The following VPS13D variants were observed in gnomAD, a reference collection of about 807,000 sequenced individuals.
VPS13D encodes the protein vacuolar protein sorting 13 homolog D, also known as intermembrane lipid transfer protein VPS13D.
VPS13D carries 187 observed loss-of-function variants against 461.9 expected under a neutral mutation model. The observed-to-expected ratio is 0.40, with a 90% confidence interval of 0.36 to 0.46. The LOEUF (loss-of-function observed/expected upper bound fraction) is 0.46, where lower values mean the gene tolerates loss of function less well. Among genes scored for constraint, VPS13D ranks in the 20% least tolerant of loss-of-function variants. The pLI, the probability that VPS13D is intolerant of heterozygous loss-of-function variation, is 0.60. For missense variants in VPS13D, 4,711 were observed against 5,364.9 expected (o/e 0.88, Z 3.81); for synonymous variants, 1,951 against 1,986.3 (o/e 0.98, Z 0.47).
intron 25 of VPS13D, among the ~76,000 whole-genome samples, chr1:12,301,142 A>G (rs968978396): frequency 3.9e-5 from 6 of 152,260 alleles, no homozygotes; most frequent in African/African-American, 1.4e-4. Flanking sequence ...CTTTACATAT[A>G]AAAGGAAACA....
chr1:12,322,816 T>C (rs1201642048), intron 34 of VPS13D, 70 bp downstream of exon 34: 6 of 1,406,654 alleles, frequency 4.3e-6, no homozygotes, highest in Non-Finnish European at 4.9e-6. Context: ...CTTAAAATTT[T>C]CTTTTGCACA....
Position 12,502,760 on chromosome 1 carries a change from A to C in VPS13D, c.12795-4093A>C, listed in dbSNP as rs960676360. Reference sequence around the variant, plus strand: ...GTTTTCCATGTGGCCTTCTAGAGAGACATCTCTCTCCAATCTGCTGATGAG... The same window carrying C: ...GTTTTCCATGTGGCCTTCTAGAGAGCCATCTCTCTCCAATCTGCTGATGAG... On this transcript the variant is annotated intron_variant, in intron 68 of 69. Transcript: ENST00000620676. This position sits in a 1 kb window ranked among gnomAD's most constrained non-coding sequence, Gnocchi z 4.3. 6.6e-6 allele frequency among the ~76,000 whole-genome samples: 1 copy of C among 152,014 alleles called. No homozygotes were observed. Among genetic ancestry groups the C allele is most frequent in the Non-Finnish European group, 1.5e-5 (1 of 68,004 alleles).
intron 65 of VPS13D, among the ~76,000 whole-genome samples, chr1:12,432,168 C>T (rs372465155): frequency 4.6e-5 from 7 of 151,852 alleles, no homozygotes; most frequent in African/African-American, 1.2e-4. Flanking sequence ...CTGAGGCGGG[C>T]GGATAACCTG....
chr1:12,231,799 C>T (rs1333471454), intron 1 of VPS13D, among the ~76,000 whole-genome samples: 10 of 152,094 alleles, frequency 6.6e-5, no homozygotes, highest in Non-Finnish European at 1.2e-4. Flanking sequence ...ACCAGCCTGG[C>T]CAACATGATG....
chr1:12,279,397 A>G lies in VPS13D; in HGVS notation c.4451-102A>G, dbSNP rs1557682481. ...CAGGCTAACCTGCCCTCCTGGTCTA[A>G]GTGTAACTCATGGGCTGTATTTTGT... is the stretch of plus-strand genomic sequence containing the variant. On this transcript the variant is annotated intron_variant, in intron 19 of 69. Coordinates refer to ENST00000620676, the MANE Select transcript of VPS13D (RefSeq NM_015378.4). The surrounding 1 kb of genome is among the most constrained non-coding windows in gnomAD (Gnocchi z 4.3). 1.5e-6 allele frequency: 2 copies of G among 1,333,256 alleles called. No homozygotes were observed. Among genetic ancestry groups the G allele is most frequent in the Non-Finnish European group, 2.0e-6 (2 of 1,005,578 alleles). The allele number at this position is 1,333,256 out of a possible 1,614,324, so 82.6% of individuals were successfully genotyped here.
intron 7 of VPS13D, among the ~76,000 whole-genome samples, chr1:12,256,014 A>G (rs1166154476): frequency 6.6e-6 from 1 of 152,122 alleles, no homozygotes; most frequent in Non-Finnish European, 1.5e-5. Context: ...ATTAGATAAC[A>G]TACCAACATG....
rs554366473 is a variant in VPS13D at position 12,429,707 on chromosome 1, G to A, written c.12333+12880G>A. 7.9e-5 allele frequency among the ~76,000 whole-genome samples: 12 copies of A among 152,278 alleles called. No individual in the cohort carries two copies. In the South Asian group the frequency reaches 1.9e-3, roughly 24 times the overall value. ...GACAGGAAAAGGACATTGACTTTTAGGATCCTATTTCTTCTCCTCCCTTCC... is the reference window on the plus strand; with the variant it reads ...GACAGGAAAAGGACATTGACTTTTAAGATCCTATTTCTTCTCCTCCCTTCC... On this transcript the variant is annotated intron_variant, in intron 65 of 69. Transcript: ENST00000620676.
intron 38 of VPS13D, 102 bp downstream of exon 38, chr1:12,333,468 C>G: frequency 7.1e-7 from 1 of 1,416,472 alleles, no homozygotes; most frequent in Non-Finnish European, 9.6e-7. Context: ...GGGCCTGTAC[C>G]AGGCATCACT....
At chr1:12,294,088 T>G (rs962055046) in intron 24 of VPS13D, among the ~76,000 whole-genome samples, 1 of 152,258 alleles carries the variant, frequency 6.6e-6, no homozygotes, top group Non-Finnish European at 1.5e-5. Flanking sequence ...GGTAGTTTAT[T>G]CATGGCACAT....
chr1:12,411,085 C>A (rs976007961), intron 63 of VPS13D, among the ~76,000 whole-genome samples: 4 of 152,156 alleles, frequency 2.6e-5, no homozygotes, highest in African/African-American at 9.7e-5. Flanking sequence ...TTCACCGTTA[C>A]ACGGGAGTTC....
intron 13 of VPS13D, among the ~76,000 whole-genome samples, 179 bp downstream of exon 13, chr1:12,262,259 A>G (rs1379063817): frequency 1.3e-5 from 2 of 152,238 alleles, no homozygotes; most frequent in Non-Finnish European, 2.9e-5. Context: ...ACCTCTGGTC[A>G]TAACATTCAT....
Position 12,369,647 on chromosome 1 carries a change from C to T in VPS13D, c.10753C>T (p.Arg3585Trp), listed in dbSNP as rs144581204. ...NCNMNDFQDNRQLYYENFIYI... is the reference protein window; with the variant it reads ...NCNMNDFQDNWQLYYENFIYI... Reference sequence around the variant, plus strand: ...CAACATGAATGATTTCCAGGATAATCGGCAGCTTTATTATGAAAATTTCAT... The same window carrying T: ...CAACATGAATGATTTCCAGGATAATTGGCAGCTTTATTATGAAAATTTCAT... Residue 3585 changes from arginine (R) to tryptophan (W), a missense_variant, in exon 54 of 70, where the codon CGG (arginine) becomes TGG (tryptophan). This residue lies in a region of VPS13D where 4,411 missense variants were observed against 4,937.8 expected (regional missense o/e 0.89). Transcript: ENST00000620676. The T allele has an allele frequency of 1.6e-4, 260 of 1,614,062 alleles. No homozygotes were observed. Among genetic ancestry groups the T allele is most frequent in the Non-Finnish European group, 2.1e-4 (252 of 1,180,048 alleles).
intron 60 of VPS13D, among the ~76,000 whole-genome samples, chr1:12,387,625 C>T (rs538616271): frequency 3.2e-4 from 49 of 152,290 alleles, no homozygotes; most frequent in African/African-American, 1.1e-3. Context: ...GACGTTAAAA[C>T]TGTTAATGTA....
intron 29 of VPS13D, among the ~76,000 whole-genome samples, chr1:12,312,408 G>T (rs1642778496): frequency 6.6e-6 from 1 of 152,188 alleles, no homozygotes; most frequent in Non-Finnish European, 1.5e-5. Flanking sequence ...GTAGTTACGG[G>T]GTGGGAGATG....
intron 37 of VPS13D, among the ~76,000 whole-genome samples, chr1:12,332,242 A>T (rs1643350568): frequency 6.6e-6 from 1 of 152,246 alleles, no homozygotes; most frequent in South Asian, 2.1e-4. Context: ...TGAACTACAG[A>T]TGTATATAAG....
At chr1:12,245,044 T>A (rs565916468) in intron 5 of VPS13D, among the ~76,000 whole-genome samples, 46 of 152,358 alleles carry the variant, frequency 3.0e-4, no homozygotes, top group African/African-American at 1.1e-3. Context: ...GCCTGGTCTC[T>A]AGTTGGTTAC....
rs1644799950 is a variant in VPS13D at position 12,416,827 on chromosome 1, G to A, written c.12333G>A (p.Lys4111=). ...VTHGVSNSAA[K]FAGTLSDGLG... is the part of the protein sequence containing the mutation. ...ACGGAGTATCAAACTCTGCTGCCAA[G>A]GTAAGGAAATAGAGGTGAAATTCCA... The change falls in exon 65 of 70, where the codon AAG becomes AAA. Residue 4111 remains lysine, a splice_region_variant and synonymous_variant. Coordinates refer to ENST00000620676, the MANE Select transcript of VPS13D (RefSeq NM_015378.4). 2.5e-6 allele frequency: 4 copies of A among 1,608,848 alleles called. No individual in the cohort carries two copies. Among genetic ancestry groups the A allele is most frequent in the South Asian group, 1.1e-5 (1 of 89,818 alleles).
intron 60 of VPS13D, among the ~76,000 whole-genome samples, chr1:12,392,348 G>A (rs1644437542): frequency 1.3e-5 from 2 of 151,658 alleles, no homozygotes; most frequent in Admixed American, 6.6e-5. Context: ...GGGCAGTGGC[G>A]GGTGCCTGTG....
chr1:12,493,649 A>T (rs1283140453), intron 67 of VPS13D, among the ~76,000 whole-genome samples: 1 of 152,236 alleles, frequency 6.6e-6, no homozygotes, highest in Non-Finnish European at 1.5e-5. Context: ...ACTTGAACGT[A>T]CAGTGTCACA....
Sources: allele counts gnomAD v4.1 joint callset (sites outside exome capture counted in the v4.1 genomes callset), GRCh38; gene constraint gnomAD v4.1.1; regional missense constraint gnomAD v4.1.1; non-coding constraint Gnocchi (gnomAD v3.1); transcripts MANE v1.5; gene names NCBI Gene and HGNC (gene_info 2026-07-23, HGNC 2026-07-21).